Variants in KIF6 observed in about 807,000 individuals in gnomAD.
The protein encoded by KIF6 is kinesin family member 6, also known as kinesin-like protein KIF6.
A neutral mutation model predicts 112.7 loss-of-function variants in KIF6; 106 were observed. The ratio of observed to expected loss-of-function variants is 0.94; its 90% CI spans 0.80 to 1.11. The LOEUF is 1.11. Ranked by LOEUF, KIF6 falls within the 50% of genes least tolerant of loss-of-function variation. The probability of loss-of-function intolerance (pLI) is 0.00; values close to 1 mark genes in which losing one functional copy is unlikely to be tolerated. For missense variants in KIF6, 929 were observed against 964.0 expected (o/e 0.96, Z 0.48); for synonymous variants, 339 against 339.9 (o/e 1.00, Z 0.03).
chr6:39,441,857 T>C (rs1370371506), intron 13 of KIF6, among the ~76,000 whole-genome samples: 1 of 152,208 alleles, frequency 6.6e-6, no homozygotes, highest in East Asian at 1.9e-4. Flanking sequence ...CCTTAGAGTT[T>C]CTTAAGTAGC....
chr6:39,426,239 C>T (rs940765065), intron 14 of KIF6, among the ~76,000 whole-genome samples: 2 of 152,140 alleles, frequency 1.3e-5, no homozygotes, highest in Non-Finnish European at 2.9e-5. Context: ...TTGTGAATTG[C>T]AATTGTTCTC....
At chr6:39,458,331 C>A (rs1248217082) in intron 13 of KIF6, among the ~76,000 whole-genome samples, 9 of 149,712 alleles carry the variant, frequency 6.0e-5, no homozygotes. Flanking sequence ...ACTCTTCATG[C>A]TAAAAACTCT....
intron 10 of KIF6, among the ~76,000 whole-genome samples, chr6:39,557,571 T>G (rs1290163542): frequency 6.6e-6 from 1 of 152,052 alleles, no homozygotes; most frequent in African/African-American, 2.4e-5. Context: ...CTCCTTGAAT[T>G]TAACAATAAA....
At chr6:39,519,698 C>T (rs892222136) in intron 13 of KIF6, among the ~76,000 whole-genome samples, 5 of 80,444 alleles carry the variant, frequency 6.2e-5, no homozygotes, top group African/African-American at 2.9e-4. Flanking sequence ...CATCCCACCC[C>T]GCTCCAAACA....
intron 13 of KIF6, among the ~76,000 whole-genome samples, chr6:39,490,435 A>C (rs998615609): frequency 6.6e-6 from 1 of 152,210 alleles, no homozygotes; most frequent in Non-Finnish European, 1.5e-5. Flanking sequence ...AGGTTGGGAA[A>C]CCAAACAAGT....
chr6:39,542,348 T>C (rs906972628), intron 12 of KIF6, among the ~76,000 whole-genome samples: 2 of 152,114 alleles, frequency 1.3e-5, no homozygotes, highest in African/African-American at 2.4e-5. Context: ...CCCCCTGTCA[T>C]ATATTTTGTG....
intron 3 of KIF6, among the ~76,000 whole-genome samples, chr6:39,662,859 T>C (rs58693260): frequency 0.24 from 36,194 of 152,000 alleles, 4,757 homozygotes; most frequent in East Asian, 0.4. Context: ...CATGGAGTTG[T>C]TTATTCAACT....
At chr6:39,500,032 T>G (rs1279481877) in intron 13 of KIF6, among the ~76,000 whole-genome samples, 1 of 152,012 alleles carries the variant, frequency 6.6e-6, no homozygotes, top group Non-Finnish European at 1.5e-5. Context: ...GAGGTGTGTT[T>G]GAAGTGGAGC....
chr6:39,556,976 T>G (rs1779737381), intron 10 of KIF6, among the ~76,000 whole-genome samples: 1 of 152,126 alleles, frequency 6.6e-6, no homozygotes, highest in Non-Finnish European at 1.5e-5. Context: ...AAATATACAT[T>G]TTTTTCAGCT....
intron 15 of KIF6, among the ~76,000 whole-genome samples, chr6:39,402,373 T>C (rs1328383): frequency 0.68 from 103,896 of 152,060 alleles, 38,283 homozygotes; most frequent in South Asian, 0.89. Context: ...CTCCGTGCTG[T>C]GCCCGGCAGA....
At chr6:39,578,214 G>A (rs1781083695) in intron 9 of KIF6, 55 bp from the exon 10 acceptor site, 1 of 1,152,372 alleles carries the variant, frequency 8.7e-7, no homozygotes, top group Admixed American at 1.7e-5. Flanking sequence ...GGTGAACTTG[G>A]TGACAGAGAA....
intron 15 of KIF6, among the ~76,000 whole-genome samples, chr6:39,412,652 T>C (rs1284854568): frequency 6.6e-6 from 1 of 152,222 alleles, no homozygotes; most frequent in Non-Finnish European, 1.5e-5. Context: ...GGAACTGATG[T>C]CAGTGTAATA....
Position 39,632,814 on chromosome 6 carries a change from G to A in KIF6, c.509+2035C>T, listed in dbSNP as rs531856602. On this transcript the variant is annotated intron_variant, in intron 5 of 22. Transcript: ENST00000287152. ...TTTTTGTATTTTTAATAGAGGTGGGGTTTCACCATGTTAGCCAGGATGGTC... is the reference window on the plus strand; with the variant it reads ...TTTTTGTATTTTTAATAGAGGTGGGATTTCACCATGTTAGCCAGGATGGTC... 7.6e-4 allele frequency among the ~76,000 whole-genome samples: 116 copies of A among 152,034 alleles called. 1 individual carries two copies. The highest frequency in any genetic ancestry group is 2.7e-3 in the African/African-American group (110 of 41,464).
At chr6:39,518,055 T>A (rs1351726671) in intron 13 of KIF6, among the ~76,000 whole-genome samples, 1 of 152,212 alleles carries the variant, frequency 6.6e-6, no homozygotes, top group African/African-American at 2.4e-5. Context: ...AGCACCCCAG[T>A]AGCTGCTAGA....
rs139710305 is a variant in KIF6 at position 39,361,170 on chromosome 6, G to A, written c.1947-640C>T. On this transcript the variant is annotated intron_variant, in intron 17 of 22. Coordinates refer to ENST00000287152, the MANE Select transcript of KIF6 (RefSeq NM_145027.6). ...TTGTCCAATAGGAAACAGTCCAATA[G>A]CCAGGCCGAAGAGATAAGTTGGCCT... Among the ~76,000 whole-genome samples, 709 of 152,278 alleles carry A rather than the reference G, an allele frequency of 4.7e-3. 2 individuals carry two copies. The highest frequency in any genetic ancestry group is 7.5e-3 in the Non-Finnish European group (508 of 68,028).
intron 10 of KIF6, among the ~76,000 whole-genome samples, chr6:39,572,127 G>T (rs1300488695): frequency 6.6e-6 from 1 of 152,006 alleles, no homozygotes; most frequent in Non-Finnish European, 1.5e-5. Context: ...GATCACATTT[G>T]GTTTAACTCT....
At chr6:39,628,480 T>C (rs912726081) in intron 5 of KIF6, among the ~76,000 whole-genome samples, 1 of 152,084 alleles carries the variant, frequency 6.6e-6, no homozygotes, top group Non-Finnish European at 1.5e-5. Flanking sequence ...CACTGCATCA[T>C]CACAAGGATC....
In KIF6 at chr6:39,466,233, C is replaced by A. The variant is rs10214720; in HGVS notation, c.1646-35072G>T. Among the ~76,000 whole-genome samples, 4 of 152,184 alleles carry A rather than the reference C, an allele frequency of 2.6e-5. No individual in the cohort carries two copies. The South Asian group carries it at 6.2e-4, about 24-fold the overall frequency. On this transcript the variant is annotated intron_variant, in intron 13 of 22. Coordinates refer to ENST00000287152, the MANE Select transcript of KIF6 (RefSeq NM_145027.6). ...AACAACAAGGCCAACTTTCCTCCCC[C>A]CTTCCTCCTTCCTTCTCTCCTTCTT...
chr6:39,621,378 G>T (rs1156880288), intron 5 of KIF6, among the ~76,000 whole-genome samples: 1 of 152,140 alleles, frequency 6.6e-6, no homozygotes, highest in Non-Finnish European at 1.5e-5. Flanking sequence ...ATCATACCTG[G>T]GAAGCCTATA....
Sources: allele counts gnomAD v4.1 joint callset (sites outside exome capture counted in the v4.1 genomes callset), GRCh38; gene constraint gnomAD v4.1.1; transcripts MANE v1.5; gene names NCBI Gene and HGNC (gene_info 2026-07-23, HGNC 2026-07-21).